The following CSF1R variants were observed in gnomAD, a reference collection of about 807,000 sequenced individuals.
The protein encoded by CSF1R is macrophage colony-stimulating factor 1 receptor.
CSF1R carries 40 observed loss-of-function variants against 110.0 expected under a neutral mutation model. The ratio of observed to expected loss-of-function variants is 0.36; its 90% CI spans 0.28 to 0.47. The LOEUF (loss-of-function observed/expected upper bound fraction) is 0.47, where lower values mean the gene tolerates loss of function less well. Among genes scored for constraint, CSF1R ranks in the 20% least tolerant of loss-of-function variants. The pLI is 0.99. For missense variants in CSF1R, 1,052 were observed against 1,253.0 expected (o/e 0.84, Z 2.42); for synonymous variants, 523 against 503.4 (o/e 1.04, Z -0.52).
At chr5:150,085,981 C>G (rs2237083) in intron 1 of CSF1R, among the ~76,000 whole-genome samples, 36,450 of 152,122 alleles carry the variant, frequency 0.24, 4,474 homozygotes, top group Middle Eastern at 0.32. Context: ...GAGTCTGAAT[C>G]TGCATTGTAA....
intron 14 of CSF1R, among the ~76,000 whole-genome samples, chr5:150,058,821 A>C (rs1757369256): frequency 6.6e-6 from 1 of 151,872 alleles, no homozygotes; most frequent in South Asian, 2.1e-4. Context: ...TCCTGACCCC[A>C]CAAGCCCCTG....
rs115768556 is a variant in CSF1R at position 150,077,131 on chromosome 5, C to T, written c.889+145G>A. On this transcript the variant is annotated intron_variant, in intron 5 of 20. Transcript: ENST00000675795. ...AAGGGAAAGCTCCTGGAGAGTGGCT[C>T]CTTAGCCAGGCCTTGGATAAACAAA... is the stretch of plus-strand genomic sequence containing the variant. 711 of 1,044,318 alleles carry T rather than the reference C, an allele frequency of 6.8e-4. 4 individuals are homozygous for T. The African/African-American group carries it at 9.3e-3, about 14-fold the overall frequency. 64.7% of individuals were successfully genotyped at this position (1,044,318 alleles called of 1,614,324 possible). A position where few individuals can be genotyped will look rare whatever the true frequency, so the allele number is the denominator to read the frequency against.
At chr5:150,084,390 AGAAGGAAGGAAG>A (rs796350408) in intron 1 of CSF1R, among the ~76,000 whole-genome samples, 1,165 of 44,052 alleles carry the variant, frequency 0.026, 32 homozygotes, top group Non-Finnish European at 0.028. Context: ...AAAGAAAGAA[AGAAGGAAGGAAG>A]GAAGGAAGGA....
At chr5:150,056,493 T>C in intron 16 of CSF1R, 152 bp from the exon 17 acceptor site, 1 of 900,840 alleles carries the variant, frequency 1.1e-6, no homozygotes, top group Admixed American at 2.4e-5. Flanking sequence ...GTCTATACCT[T>C]CTACCAGGGC....
chr5:150,083,171 G>C (rs1246543763), intron 1 of CSF1R, among the ~76,000 whole-genome samples: 2 of 151,866 alleles, frequency 1.3e-5, no homozygotes, highest in African/African-American at 2.4e-5. Context: ...CTCGGGGTGG[G>C]GGCATGGGCT....
At chr5:150,055,094 G>A (rs1581278110) in intron 19 of CSF1R, 143 bp downstream of exon 19, 1 of 688,690 alleles carries the variant, frequency 1.5e-6, no homozygotes, top group South Asian at 1.8e-5. Context: ...ACTCAAAAGG[G>A]GCTTGTTGTG....
At position 150,057,646 on chromosome 5, in the gene CSF1R, T is replaced by A. The variant is rs1757291796; in HGVS notation, c.2133-54A>T. 5.7e-6 allele frequency: 8 copies of A among 1,410,426 alleles called. No homozygotes were observed. In the South Asian group the frequency reaches 9.3e-5, roughly 16 times the overall value. 87.4% of individuals were successfully genotyped at this position (1,410,426 alleles called of 1,614,324 possible). On this transcript the variant is annotated intron_variant, in intron 14 of 20. Transcript: ENST00000675795. ...AGGTCACTCATCATCACTGCACTGC[T>A]CAGCTCAGGCCTTGACCACCCACCA...
intron 3 of CSF1R, among the ~76,000 whole-genome samples, chr5:150,078,582 A>C (rs1342929697): frequency 6.6e-6 from 1 of 152,140 alleles, no homozygotes; most frequent in East Asian, 1.9e-4. Context: ...ACCTCTTACA[A>C]ATATAAATGG....
Position 150,070,436 on chromosome 5 carries a change from C to A in CSF1R, c.1198+20G>T. The A allele has an allele frequency of 1.3e-6, 2 of 1,549,188 alleles. No homozygotes were observed. The highest frequency in any genetic ancestry group is 8.7e-7 in the Non-Finnish European group (1 of 1,147,902). Reference sequence around the variant, plus strand: ...GTCCCAGGGCCTCCGCCCCAGGTGGCGCTCGGCCCCAGCACTCACATCGAA... The same window carrying A: ...GTCCCAGGGCCTCCGCCCCAGGTGGAGCTCGGCCCCAGCACTCACATCGAA... On this transcript the variant is annotated intron_variant, in intron 7 of 20. Coordinates refer to ENST00000675795, the MANE Select transcript of CSF1R (RefSeq NM_001288705.3).
At chr5:150,093,435 C>T (rs1222509046) in intron 1 of CSF1R, among the ~76,000 whole-genome samples, 4 of 152,162 alleles carry the variant, frequency 2.6e-5, no homozygotes, top group East Asian at 1.9e-4. Context: ...GATTAATTTA[C>T]GATGTAAGTT....
chr5:150,069,856 C>T lies in CSF1R; in HGVS notation c.1510+17G>A, dbSNP rs112616479. The T allele has an allele frequency of 7.4e-5, 118 of 1,585,460 alleles. No homozygotes were observed. The African/African-American group carries it at 8.7e-4, about 12-fold the overall frequency. On this transcript the variant is annotated intron_variant, in intron 9 of 20. Coordinates refer to ENST00000675795, the MANE Select transcript of CSF1R (RefSeq NM_001288705.3). ...GGCGGGCGGGGGGGCGGTGCGGGTG[C>T]GAAGGCTCCCTCTCACCTGCAGAGA...
Position 150,054,322 on chromosome 5 carries a change from C to G in CSF1R, c.2763G>C (p.Arg921=). 1.9e-6 allele frequency: 3 copies of G among 1,614,180 alleles called. No homozygotes were observed. Among genetic ancestry groups the G allele is most frequent in the Non-Finnish European group, 2.5e-6 (3 of 1,180,040 alleles). The part of the protein sequence containing the change: ...QEQAQEDRRE[R]DYTNLPSSSR... The stretch of plus-strand genomic sequence containing the variant: ...CCACCCCAAGCCTCACCCCACTCAC[C>G]CGCTCTCTCCTGTCCTCTTGGGCCT... Residue 921 remains arginine, a splice_region_variant and synonymous_variant, in exon 20 of 21, where the codon CGG becomes CGC. Coordinates refer to ENST00000675795, the MANE Select transcript of CSF1R (RefSeq NM_001288705.3).
intron 1 of CSF1R, 39 bp downstream of exon 1, chr5:150,086,340 C>T (rs1434889871): frequency 2.5e-6 from 4 of 1,572,640 alleles, no homozygotes; most frequent in South Asian, 2.3e-5. Context: ...TTCTCCATCA[C>T]ACCCCAACAA....
chr5:150,089,891 T>C (rs898924569), upstream of CSF1R, among the ~76,000 whole-genome samples: 11 of 152,228 alleles, frequency 7.2e-5, no homozygotes, highest in African/African-American at 2.7e-4. Context: ...CATGGACAAC[T>C]GATATTCAAC....
Position 150,054,114 on chromosome 5 carries a change from AT to A in CSF1R, c.2873del (p.Asp958ValfsTer125). ...TGGGCTGCAGCAAGGGCTGGGCGAT[AT>A]CCCCTTGCTCGCAGCAGGTCAGGTG... ...SEHLTCCEQG[D>X]IAQPLLQPNN... On this transcript the variant is annotated frameshift_variant, in exon 21 of 21. Transcript: ENST00000675795. LOFTEE classifies it high-confidence loss of function. 6.2e-7 allele frequency: 1 copy of A among 1,614,100 alleles called. No individual in the cohort carries two copies.
At chr5:150,092,686 C>T (rs1046448355) in intron 1 of CSF1R, among the ~76,000 whole-genome samples, 6 of 152,122 alleles carry the variant, frequency 3.9e-5, no homozygotes, top group African/African-American at 7.2e-5. Flanking sequence ...ATCACTACCA[C>T]GAGAACAGTA....
rs1469303592 is a variant in CSF1R at position 150,104,672 on chromosome 5, C to A, written c.-181+8589G>T. 2.0e-5 allele frequency among the ~76,000 whole-genome samples: 3 copies of A among 152,322 alleles called. No individual in the cohort carries two copies. The East Asian group carries it at 5.8e-4, about 29-fold the overall frequency. ...ACCAAGGCTCAGAGAAGTTAAGTCACTTTCCCAAGATCACACAGCTGGTGA... is the reference window on the plus strand; with the variant it reads ...ACCAAGGCTCAGAGAAGTTAAGTCAATTTCCCAAGATCACACAGCTGGTGA... On this transcript the variant is annotated intron_variant, in intron 1 of 21. Coordinates refer to the CSF1R transcript ENST00000286301.
chr5:150,069,961 A>AACAGTCAGCAGGCTCTGC lies in CSF1R; in HGVS notation c.1404_1421dup (p.Gln469_Val474dup), dbSNP rs769623155. The AACAGTCAGCAGGCTCTGC allele has an allele frequency of 5.1e-5, 83 of 1,613,980 alleles. No individual in the cohort carries two copies. Among genetic ancestry groups the AACAGTCAGCAGGCTCTGC allele is most frequent in the Non-Finnish European group, 5.8e-5 (68 of 1,180,006 alleles). On this transcript the variant is annotated inframe_insertion, in exon 9 of 21. Coordinates refer to ENST00000675795, the MANE Select transcript of CSF1R (RefSeq NM_001288705.3). Reference sequence around the variant, plus strand: ...AGGTTTGGTTGTGCTCTAAGGTCTCAACAGTCAGCAGGCTCTGCACCGTCA... The same window carrying AACAGTCAGCAGGCTCTGC: ...AGGTTTGGTTGTGCTCTAAGGTCTCAACAGTCAGCAGGCTCTGCACAGTCAGCAGGCTCTGCACCGTCA...
rs543357523 is a variant in CSF1R at position 150,104,141 on chromosome 5, C to T, written c.-181+9120G>A. ...TGGCCTTGAGGAAACCTGGGCACCC[C>T]TAACACGGATGCAAAGTTTGTGTGT... On this transcript the variant is annotated intron_variant, in intron 1 of 21. Coordinates refer to the CSF1R transcript ENST00000286301. 2.6e-5 allele frequency among the ~76,000 whole-genome samples: 4 copies of T among 152,372 alleles called. No individual in the cohort carries two copies. The South Asian group carries it at 8.3e-4, about 32-fold the overall frequency.
Sources: allele counts gnomAD v4.1 joint callset (sites outside exome capture counted in the v4.1 genomes callset), GRCh38; gene constraint gnomAD v4.1.1; transcripts MANE v1.5; gene names NCBI Gene and HGNC (gene_info 2026-07-23, HGNC 2026-07-21).